Variants in COL5A3 observed in about 807,000 individuals in gnomAD.
The protein encoded by COL5A3 is collagen type V alpha 3 chain, also known as collagen alpha-3(V) chain.
COL5A3 carries 172 observed loss-of-function variants against 250.0 expected under a neutral mutation model. The observed-to-expected ratio is 0.69, with a 90% CI of 0.61 to 0.78. COL5A3 has a LOEUF of 0.78. Ranked by LOEUF, COL5A3 falls within the 30% of genes least tolerant of loss-of-function variation. The probability of loss-of-function intolerance (pLI) is 0.00; values close to 1 mark genes in which losing one functional copy is unlikely to be tolerated. For synonymous variants in COL5A3, 937 were observed against 900.4 expected, an observed-to-expected ratio of 1.04 and a Z score of -0.73; for missense variants, 2,340 against 2,334.4, an observed-to-expected ratio of 1.00 and a Z score of -0.05.
intron 65 of COL5A3, among the ~76,000 whole-genome samples, chr19:9,962,073 G>C: frequency 6.6e-6 from 1 of 151,056 alleles, no homozygotes; most frequent in Non-Finnish European, 1.5e-5. Flanking sequence ...AGATTTTGAA[G>C]AGCTAATCTG....
chr19:9,980,631 CACA>C lies in COL5A3; in HGVS notation c.2604+14_2604+16del, dbSNP rs770217509. The C allele has an allele frequency of 1.2e-6, 2 of 1,612,046 alleles. No individual in the cohort carries two copies. The highest frequency in any genetic ancestry group is 2.7e-5 in the African/African-American group (2 of 74,816). On this transcript the variant is annotated intron_variant, in intron 35 of 66. Coordinates refer to ENST00000264828, the MANE Select transcript of COL5A3 (RefSeq NM_015719.4). ...ACACACACACATTCACACACACACA[CACA>C]CACACACACTCACCTTTTCTCCAGG...
At chr19:9,966,289 G>A (rs1160099910) in intron 64 of COL5A3, 25 bp downstream of exon 64, 3 of 1,556,504 alleles carry the variant, frequency 1.9e-6, no homozygotes, top group African/African-American at 2.7e-5. Flanking sequence ...CCTGGGGGAG[G>A]CGATGAGAGG....
In COL5A3 at chr19:9,977,225, T is replaced by C. The variant is rs2086934480; in HGVS notation, c.3288+4A>G. Reference sequence around the variant, plus strand: ...ACCCTGCCCCACTGGGGACCTTCACTCACCGCGTCTCCTTTATCGCCTTTA... The same window carrying C: ...ACCCTGCCCCACTGGGGACCTTCACCCACCGCGTCTCCTTTATCGCCTTTA... On this transcript the variant is annotated splice_donor_region_variant and intron_variant, in intron 44 of 66. Coordinates refer to ENST00000264828, the MANE Select transcript of COL5A3 (RefSeq NM_015719.4). The C allele has an allele frequency of 6.4e-7, 1 of 1,571,216 alleles. No homozygotes were observed.
intron 50 of COL5A3, 66 bp downstream of exon 50, chr19:9,973,504 C>T: frequency 1.3e-6 from 2 of 1,528,396 alleles, no homozygotes; most frequent in Non-Finnish European, 8.9e-7. Flanking sequence ...TCAAAGTGGC[C>T]CAAGATGCCC....
At chr19:9,991,947 G>A (rs561855936) in intron 22 of COL5A3, 57 bp downstream of exon 22, 1 of 1,576,730 alleles carries the variant, frequency 6.3e-7, no homozygotes, top group East Asian at 2.2e-5. Context: ...TAGGGATGTG[G>A]ACAATCGGGG....
intron 51 of COL5A3, 70 bp downstream of exon 51, chr19:9,972,848 AG>A (rs2086872796): frequency 1.8e-6 from 2 of 1,118,832 alleles, no homozygotes; most frequent in Admixed American, 6.0e-5. Flanking sequence ...AAAAAAAAAA[AG>A]TTTGGGAGAG....
chr19:9,976,196 T>C (rs1440781262), intron 45 of COL5A3, among the ~76,000 whole-genome samples: 1 of 152,120 alleles, frequency 6.6e-6, no homozygotes, highest in African/African-American at 2.4e-5. Flanking sequence ...GGCCAAATTC[T>C]GGGGTTGAGT....
At chr19:9,963,925 T>C (rs1363086798) in intron 64 of COL5A3, among the ~76,000 whole-genome samples, 1 of 151,912 alleles carries the variant, frequency 6.6e-6, no homozygotes, top group Non-Finnish European at 1.5e-5. Context: ...TCTCAGCACT[T>C]TGGGAGGCCG....
Position 9,960,358 on chromosome 19 carries a change from C to G in COL5A3, c.*53G>C. 2.5e-6 allele frequency: 4 copies of G among 1,609,438 alleles called. No homozygotes were observed. The South Asian group carries it at 4.4e-5, about 18-fold the overall frequency. ...TACGGTGGCTTCAAAGCCTCAGCAC[C>G]AAATGCACCCCATTCTGGGGCTCCC... On this transcript the variant is annotated 3_prime_UTR_variant, in exon 67 of 67. Coordinates refer to ENST00000264828, the MANE Select transcript of COL5A3 (RefSeq NM_015719.4).
In COL5A3 at chr19:10,003,564, C is replaced by G. The variant is rs1484955741; in HGVS notation, c.849+1G>C. The stretch of plus-strand genomic sequence containing the variant: ...GAAGTGAGAGGTCTCAGGGCCCTTA[C>G]CTGGTTCTCTGCGGAGTCAGGAGGT... On this transcript the variant is annotated splice_donor_variant, in intron 6 of 66. Transcript: ENST00000264828. LOFTEE classifies it high-confidence loss of function. The G allele has an allele frequency of 6.2e-7, 1 of 1,614,108 alleles. No individual in the cohort carries two copies. The highest frequency in any genetic ancestry group is 8.5e-7 in the Non-Finnish European group (1 of 1,179,982).
At chr19:9,976,456 G>A (rs2086923527) in intron 45 of COL5A3, 102 bp downstream of exon 45, 6 of 852,962 alleles carry the variant, frequency 7.0e-6, no homozygotes, top group African/African-American at 3.6e-5. Flanking sequence ...TCAGGGTTGG[G>A]TTTGAGGTTT....
chr19:9,989,557 G>T (rs770602458), intron 24 of COL5A3, 35 bp from the exon 25 acceptor site: 24 of 1,583,616 alleles, frequency 1.5e-5, no homozygotes, highest in Non-Finnish European at 2.1e-5. Flanking sequence ...AGAGACAGAG[G>T]TGCTCAGAGC....
intron 6 of COL5A3, among the ~76,000 whole-genome samples, chr19:10,002,197 G>A (rs375774243): frequency 6.6e-6 from 1 of 151,968 alleles, no homozygotes; most frequent in Non-Finnish European, 1.5e-5. Context: ...AGAGTTCAGC[G>A]GCCAGCAGGC....
chr19:9,979,691 C>T, intron 37 of COL5A3, 148 bp downstream of exon 37: 1 of 802,912 alleles, frequency 1.2e-6, no homozygotes, highest in Non-Finnish European at 2.0e-6. Context: ...GAGGCTGAGG[C>T]AGGAGAATTG....
At position 9,980,852 on chromosome 19, in the gene COL5A3, C is replaced by G. The variant is rs768885357; in HGVS notation, c.2513G>C (p.Arg838Pro). The change falls in exon 34 of 67, where the codon CGT becomes CCT. Residue 838 changes from arginine to proline, a missense_variant. This residue lies in a region of COL5A3 where 1,152 missense variants were observed against 1,146.3 expected (regional missense o/e 1.00). Coordinates refer to ENST00000264828, the MANE Select transcript of COL5A3 (RefSeq NM_015719.4). Reference protein sequence around the residue: ...LEGERGPPGSRGERGQPGATG... With the variant: ...LEGERGPPGSPGERGQPGATG... ...GGCACCCGGTTGCCCCCTCTCTCCA[C>G]GGGAACCCTGAACAAAAAAAAAAGG... The G allele has an allele frequency of 1.2e-6, 2 of 1,609,238 alleles. No homozygotes were observed. The highest frequency in any genetic ancestry group is 2.2e-5 in the South Asian group (2 of 90,440).
chr19:9,995,524 G>T, intron 16 of COL5A3, 40 bp downstream of exon 16: 1 of 1,567,670 alleles, frequency 6.4e-7, no homozygotes, highest in Admixed American at 1.9e-5. Flanking sequence ...GGTGTTGAGG[G>T]ATGGATAAGG....
At position 10,006,082 on chromosome 19, in the gene COL5A3, G is replaced by A. The variant is rs776134132; in HGVS notation, c.238C>T (p.Leu80Phe). ...TCCTACTCCAACTCACCTGGAAAGA[G>A]TTCCCACGTGGGGATGCCGAGCGTG... ...ASTLGIPTWELFPEGHFPENF... is the reference protein window; with the variant it reads ...ASTLGIPTWEFFPEGHFPENF... The change falls in exon 2 of 67, where the codon CTC becomes TTC. Residue 80 changes from leucine (L) to phenylalanine (F), a missense_variant. Physicochemically the swap from Leu to Phe is conservative, Grantham distance 22. Around this residue, in one of 3 missense-constraint regions of COL5A3, gnomAD observed 1,152 missense variants for 1,146.3 expected, o/e 1.00. Coordinates refer to ENST00000264828, the MANE Select transcript of COL5A3 (RefSeq NM_015719.4). 6.2e-6 allele frequency: 10 copies of A among 1,614,038 alleles called. No individual in the cohort carries two copies. The highest frequency in any genetic ancestry group is 8.5e-6 in the Non-Finnish European group (10 of 1,179,934).
chr19:9,961,716 G>C (rs1238782975), intron 65 of COL5A3, among the ~76,000 whole-genome samples: 1 of 151,826 alleles, frequency 6.6e-6, no homozygotes, highest in East Asian at 1.9e-4. Flanking sequence ...CTGCCACCAC[G>C]CCCGGCTAAT....
intron 5 of COL5A3, 36 bp from the exon 6 acceptor site, chr19:10,003,750 C>T (rs764261453): frequency 1.1e-5 from 18 of 1,611,580 alleles, no homozygotes; most frequent in Middle Eastern, 1.6e-4. Flanking sequence ...TAGAGCATCC[C>T]ACCAGCAGAG....
Sources: gnomAD v4.1 joint callset for allele counts (sites outside exome capture counted in the v4.1 genomes callset) on GRCh38, gnomAD v4.1.1 for gene constraint, gnomAD v4.1.1 regional missense constraint, MANE v1.5 for transcripts, NCBI Gene and HGNC (gene_info 2026-07-23, HGNC 2026-07-21) for gene names.